Variants in SCARA3 observed in about 807,000 individuals in gnomAD.
The protein encoded by SCARA3 is scavenger receptor class A member 3, also known as cellular stress response gene protein.
In SCARA3, 39 loss-of-function variants were observed where a neutral mutation model predicts 47.0. The ratio of observed to expected loss-of-function variants is 0.83; its 90% confidence interval spans 0.64 to 1.08. The LOEUF is 1.08. Ranked by LOEUF, SCARA3 falls within the 50% of genes least tolerant of loss-of-function variation. The pLI is 0.00. For synonymous variants in SCARA3, 356 were observed against 334.1 expected, an observed-to-expected ratio of 1.07 and a Z score of -0.71; for missense variants, 724 against 792.3, an observed-to-expected ratio of 0.91 and a Z score of 1.04.
chr8:27,729,746 A>G, the SCARA3 span, among the ~76,000 whole-genome samples: 1 of 152,164 alleles, frequency 6.6e-6, no homozygotes, highest in Non-Finnish European at 1.5e-5. Flanking sequence ...AGCTGAGATC[A>G]TGCCACTGCT....
At chr8:27,666,355 C>T (rs1213692640) in intron 5 of SCARA3, among the ~76,000 whole-genome samples, 1 of 152,202 alleles carries the variant, frequency 6.6e-6, no homozygotes, top group Non-Finnish European at 1.5e-5. Context: ...CCCTTGGTAT[C>T]CCTCCAAAGC....
chr8:27,694,252 C>T, the SCARA3 span, among the ~76,000 whole-genome samples: 2 of 152,276 alleles, frequency 1.3e-5, no homozygotes, highest in South Asian at 4.1e-4. Context: ...CAGATTTCTA[C>T]ATAAAGAGTA....
downstream of SCARA3, among the ~76,000 whole-genome samples, chr8:27,677,220 G>A (rs867441971): frequency 5.9e-5 from 9 of 152,268 alleles, no homozygotes; most frequent in Middle Eastern, 0.01. Flanking sequence ...CTTCCTGTCC[G>A]GGGCCACTTT....
chr8:27,723,577 G>T, the SCARA3 span, among the ~76,000 whole-genome samples: 67 of 152,118 alleles, frequency 4.4e-4, no homozygotes, highest in Admixed American at 1.9e-3. Context: ...TCCCTTCTCT[G>T]TACTAAAAAT....
Position 27,634,128 on chromosome 8 carries a change from G to C in SCARA3, c.-73G>C. On this transcript the variant is annotated 5_prime_UTR_variant, in exon 1 of 6. Transcript: ENST00000301904. The stretch of plus-strand genomic sequence containing the variant: ...CGGCGATCCGCGCCCTGGAGGATCC[G>C]CCGGCCGCCCGGCTCCACTACAGCT... The C allele has an allele frequency of 7.1e-7, 1 of 1,402,912 alleles. No homozygotes were observed. The highest frequency in any genetic ancestry group is 2.7e-5 in the Admixed American group (1 of 37,306). The allele number at this position is 1,402,912 out of a possible 1,614,324, so 86.9% of individuals were successfully genotyped here.
At chr8:27,681,853 T>C in the SCARA3 span, among the ~76,000 whole-genome samples, 90,383 of 152,122 alleles carry the variant, frequency 0.59, 27,948 homozygotes, top group Non-Finnish European at 0.69. Context: ...AATTGATCTA[T>C]AGTCAATGTA....
rs1203537861 is a variant in SCARA3, at chr8:27,671,256, C to CG, written c.1732dup (p.Ala578GlyfsTer5). On this transcript the variant is annotated frameshift_variant, in exon 6 of 6. Transcript: ENST00000301904. LOFTEE classifies it high-confidence loss of function. ...AGGGAAGACAGGGTCACCAGGCCAGCGGGGGGCCATGGGGCCTAAGGGTGA... is the reference window on the plus strand; with the variant it reads ...AGGGAAGACAGGGTCACCAGGCCAGCGGGGGGGCCATGGGGCCTAAGGGTGA... The CG allele has an allele frequency of 2.7e-6, 4 of 1,486,774 alleles. No homozygotes were observed. The highest frequency in any genetic ancestry group is 1.8e-6 in the Non-Finnish European group (2 of 1,122,902). The allele number at this position is 1,486,774 out of a possible 1,614,324, so 92.1% of individuals were successfully genotyped here.
chr8:27,709,771 A>G, the SCARA3 span, among the ~76,000 whole-genome samples: 1 of 152,152 alleles, frequency 6.6e-6, no homozygotes, highest in Non-Finnish European at 1.5e-5. Flanking sequence ...GTTCCAGCCA[A>G]CTGTGATTCA....
intron 1 of SCARA3, among the ~76,000 whole-genome samples, chr8:27,644,100 T>A (rs1801441427): frequency 6.6e-6 from 1 of 152,206 alleles, no homozygotes; most frequent in Admixed American, 6.5e-5. Flanking sequence ...ATTTCTCCTC[T>A]TGTGGCTGTC....
At position 27,638,314 on chromosome 8, in the gene SCARA3, T is replaced by TTGTGTGTGTGTGTG. The variant is rs55695492; in HGVS notation, c.7+4127_7+4140dup. 3.4e-3 allele frequency among the ~76,000 whole-genome samples: 501 copies of TTGTGTGTGTGTGTG among 146,726 alleles called. 3 individuals carry two copies. The highest frequency in any genetic ancestry group is 0.017 in the East Asian group (82 of 4,936). On this transcript the variant is annotated intron_variant, in intron 1 of 5. Coordinates refer to ENST00000301904, the MANE Select transcript of SCARA3 (RefSeq NM_016240.3). ...TGTTTGATCATGTATAATTTAGTGA[T>TTGTGTGTGTGTGTG]TGTGTGTGTGTGTGTGTGTGTGTGT...
At chr8:27,651,037 T>C (rs944188748) in intron 2 of SCARA3, among the ~76,000 whole-genome samples, 2 of 152,196 alleles carry the variant, frequency 1.3e-5, no homozygotes, top group African/African-American at 4.8e-5. Flanking sequence ...CTTTCAGTTT[T>C]AAAACCCAGA....
chr8:27,645,350 A>G (rs1801470846), intron 1 of SCARA3, among the ~76,000 whole-genome samples: 1 of 152,256 alleles, frequency 6.6e-6, no homozygotes, highest in Admixed American at 6.5e-5. Flanking sequence ...AACATCCACT[A>G]TGTGATCAAC....
rs748169046 is a variant in SCARA3, at chr8:27,649,683, G to A, written c.8-19G>A. ...GGCCTGGGATGGCTTTGGGTCTGAC[G>A]GCACTGGCTTCATTATAGTGAGGTC... On this transcript the variant is annotated intron_variant, in intron 1 of 5. Transcript: ENST00000301904. The A allele has an allele frequency of 4.3e-6, 7 of 1,612,108 alleles. No individual in the cohort carries two copies. Among genetic ancestry groups the A allele is most frequent in the African/African-American group, 4.0e-5 (3 of 74,900 alleles).
chr8:27,651,644 C>T lies in SCARA3; in HGVS notation c.226+17C>T, dbSNP rs545205971. On this transcript the variant is annotated intron_variant, in intron 3 of 5. Transcript: ENST00000301904. ...CCTCTCTGGGTGAGTCCGGGGCTTT[C>T]CCACCCCGGGCTGCAGGGGGGTGTC... 2 of 1,612,440 alleles carry T rather than the reference C, an allele frequency of 1.2e-6. No homozygotes were observed. Among genetic ancestry groups the T allele is most frequent in the Admixed American group, 3.3e-5 (2 of 59,772 alleles).
At chr8:27,703,816 T>C in the SCARA3 span, 2 of 151,450 alleles carry the variant, frequency 1.3e-5, no homozygotes, top group Non-Finnish European at 2.9e-5. Context: ...TGTGTGGTTT[T>C]TTGTTTTTTG....
Position 27,671,483 on chromosome 8 carries a change from C to T in SCARA3, c.*132C>T. The stretch of plus-strand genomic sequence containing the variant: ...ATGAGGGGGCTCCCCAGGGCTGACC[C>T]TGCAGCTTTGGGCTCCCCCATAGTG... On this transcript the variant is annotated 3_prime_UTR_variant, in exon 6 of 6. Transcript: ENST00000301904. The T allele has an allele frequency of 7.7e-7, 1 of 1,306,444 alleles. No individual in the cohort carries two copies. The highest frequency in any genetic ancestry group is 9.7e-7 in the Non-Finnish European group (1 of 1,033,142). 80.9% of individuals were successfully genotyped at this position (1,306,444 alleles called of 1,614,324 possible). A position where few individuals can be genotyped will look rare whatever the true frequency, so the allele number is the denominator to read the frequency against.
downstream of SCARA3, among the ~76,000 whole-genome samples, chr8:27,676,378 G>A (rs1402438856): frequency 6.6e-6 from 1 of 152,196 alleles, no homozygotes; most frequent in East Asian, 1.9e-4. Context: ...GGCAGCAGGA[G>A]TGTGCTTCTG....
At chr8:27,660,777 T>C (rs1166878618) in intron 5 of SCARA3, among the ~76,000 whole-genome samples, 1 of 149,606 alleles carries the variant, frequency 6.7e-6, no homozygotes, top group Non-Finnish European at 1.5e-5. Flanking sequence ...AGAGAGGTGA[T>C]AGAAACAGAG....
chr8:27,704,272 C>A, the SCARA3 span, among the ~76,000 whole-genome samples: 1 of 152,000 alleles, frequency 6.6e-6, no homozygotes. Context: ...ACAGCAAGAC[C>A]TTGTCTCTAC....
Sources: gnomAD v4.1 joint callset for allele counts (sites outside exome capture counted in the v4.1 genomes callset) on GRCh38, gnomAD v4.1.1 for gene constraint, MANE v1.5 for transcripts, NCBI Gene and HGNC (gene_info 2026-07-23, HGNC 2026-07-21) for gene names.